Variants in GTPBP8 observed in about 807,000 individuals in gnomAD.
The protein encoded by GTPBP8 is GTP-binding protein 8.
In GTPBP8, 21 loss-of-function variants were observed where a neutral mutation model predicts 27.3. That is an observed-to-expected ratio of 0.77 (90% CI 0.55 to 1.11). The LOEUF (loss-of-function observed/expected upper bound fraction) is 1.11, where lower values mean the gene tolerates loss of function less well. Ranked by LOEUF, GTPBP8 falls within the 50% of genes least tolerant of loss-of-function variation. The pLI is 0.00. For missense variants in GTPBP8, 380 were observed against 350.8 expected, an observed-to-expected ratio of 1.08 and a Z score of -0.67; for synonymous variants, 147 against 135.3, an observed-to-expected ratio of 1.09 and a Z score of -0.60.
At chr3:112,997,023 T>G in intron 4 of GTPBP8, 32 bp downstream of exon 4, 1 of 971,102 alleles carries the variant, frequency 1.0e-6, no homozygotes, top group Non-Finnish European at 1.7e-6. Flanking sequence ...TGGTTGCAAT[T>G]AGAAATATCA....
At chr3:113,000,594 T>C (rs1933876543) in intron 5 of GTPBP8, among the ~76,000 whole-genome samples, 1 of 152,124 alleles carries the variant, frequency 6.6e-6, no homozygotes, top group Admixed American at 6.6e-5. Flanking sequence ...TCAAGACTTA[T>C]TCTGGAAAAC....
Position 112,991,341 on chromosome 3 carries a change from A to G in GTPBP8, c.336+6A>G. The stretch of plus-strand genomic sequence containing the variant: ...CGGACCTTCCGCGGCCAGAGGTGAG[A>G]GGCGATTCTCACGGTTCACCTGCGC... On this transcript the variant is annotated splice_donor_region_variant and intron_variant, in intron 1 of 5. Transcript: ENST00000383678. The G allele has an allele frequency of 6.2e-7, 1 of 1,612,798 alleles. No homozygotes were observed. Among genetic ancestry groups the G allele is most frequent in the Non-Finnish European group, 8.5e-7 (1 of 1,179,424 alleles).
intron 2 of GTPBP8, 122 bp downstream of exon 2, chr3:112,993,246 A>G: frequency 1.7e-6 from 1 of 601,146 alleles, no homozygotes; most frequent in South Asian, 2.2e-5. Flanking sequence ...TTCTTTCAAA[A>G]AAGTAATAAA....
Position 112,995,826 on chromosome 3 carries a change from G to A in GTPBP8, c.566+561G>A, listed in dbSNP as rs572519902. ...TGTGAGATTACAGGCATGAACCACC[G>A]CACCTGGCCCATTAATTTTTTTTAA... On this transcript the variant is annotated intron_variant, in intron 3 of 5. Coordinates refer to ENST00000383678, the MANE Select transcript of GTPBP8 (RefSeq NM_014170.4). Among the ~76,000 whole-genome samples the A allele has an allele frequency of 3.0e-4, 45 of 152,166 alleles. 1 individual carries two copies. In the South Asian group the frequency reaches 8.1e-3, roughly 27 times the overall value.
Position 112,993,069 on chromosome 3 carries a change from T to G in GTPBP8, c.380T>G (p.Ile127Ser). ...AGCAATGTTGGAAAATCATCTCTAATCAAGGCTTTATTTTCACTGGCCCCT... is the reference window on the plus strand; with the variant it reads ...AGCAATGTTGGAAAATCATCTCTAAGCAAGGCTTTATTTTCACTGGCCCCT... Reference protein sequence around the residue: ...GRSNVGKSSLIKALFSLAPEV... With the variant: ...GRSNVGKSSLSKALFSLAPEV... The change falls in exon 2 of 6, where the codon ATC becomes AGC. Residue 127 changes from isoleucine (I) to serine (S), a missense_variant. Physicochemically the swap from Ile to Ser is moderately radical, Grantham distance 142 (BLOSUM62 -2). Transcript: ENST00000383678. 1.2e-6 allele frequency: 2 copies of G among 1,612,216 alleles called. No individual in the cohort carries two copies. Among genetic ancestry groups the G allele is most frequent in the Non-Finnish European group, 1.7e-6 (2 of 1,178,628 alleles).
intron 1 of GTPBP8, chr3:112,992,077 CAA>C (rs1933693236): frequency 6.6e-6 from 1 of 152,366 alleles, no homozygotes; most frequent in South Asian, 2.0e-4. Context: ...AGTCAGGATT[CAA>C]AGAGTACCTC....
At position 112,991,135 on chromosome 3, in the gene GTPBP8, A is replaced by C. The variant is rs1438527902; in HGVS notation, c.136A>C (p.Lys46Gln). Residue 46 changes from lysine to glutamine, a missense_variant, in exon 1 of 6, where the codon AAG becomes CAG. Physicochemically the swap from Lys to Gln is moderately conservative, Grantham distance 53 (BLOSUM62 1). Coordinates refer to ENST00000383678, the MANE Select transcript of GTPBP8 (RefSeq NM_014170.4). Reference protein sequence around the residue: ...VLRLPKQQLRKLLYPLQEVER... With the variant: ...VLRLPKQQLRQLLYPLQEVER... ...GCGGCTGCCGAAGCAGCAGCTGAGG[A>C]AGCTGCTGTACCCGCTGCAGGAAGT... 1 of 1,613,846 alleles carries C rather than the reference A, an allele frequency of 6.2e-7. No individual in the cohort carries two copies. Among genetic ancestry groups the C allele is most frequent in the Non-Finnish European group, 8.5e-7 (1 of 1,179,932 alleles).
intron 2 of GTPBP8, among the ~76,000 whole-genome samples, chr3:112,993,898 G>A (rs1004836840): frequency 6.6e-6 from 1 of 152,050 alleles, no homozygotes; most frequent in African/African-American, 2.4e-5. Context: ...CCTTACTCCT[G>A]CCCCGCCTCA....
intron 4 of GTPBP8, 65 bp from the exon 5 acceptor site, chr3:112,999,381 C>T: frequency 1.7e-6 from 1 of 576,042 alleles, no homozygotes; most frequent in Non-Finnish European, 3.1e-6. Flanking sequence ...AAAATTATAG[C>T]TAAAATGTGT....
Position 113,001,950 on chromosome 3 carries a change from A to C in GTPBP8, c.*1031A>C, listed in dbSNP as rs1461313146. On this transcript the variant is annotated 3_prime_UTR_variant, in exon 6 of 6. Coordinates refer to ENST00000383678, the MANE Select transcript of GTPBP8 (RefSeq NM_014170.4). ...GGTTATAGCTGTATTGCTGGATAAC[A>C]AATTAAAGCTATAAACCAACTTCGT... 6.6e-6 allele frequency: 1 copy of C among 152,220 alleles called. No homozygotes were observed. The highest frequency in any genetic ancestry group is 1.5e-5 in the Non-Finnish European group (1 of 68,028). The allele number at this position is 152,220 out of a possible 1,614,324, so 9.4% of individuals were successfully genotyped here.
chr3:113,000,417 A>G (rs1933870295), intron 5 of GTPBP8, among the ~76,000 whole-genome samples: 1 of 152,108 alleles, frequency 6.6e-6, no homozygotes, highest in African/African-American at 2.4e-5. Context: ...TACCTGAGAA[A>G]CATTTTGGCT....
chr3:113,000,787 T>G lies in GTPBP8; in HGVS notation c.786-63T>G, dbSNP rs910759368. ...ATAAGAATTTGTAAATTTTTTTAAG[T>G]TGATGAATTCAGATGTTATATCTGA... On this transcript the variant is annotated intron_variant, in intron 5 of 5. Transcript: ENST00000383678. 20 of 967,944 alleles carry G rather than the reference T, an allele frequency of 2.1e-5. No homozygotes were observed. In the African/African-American group the frequency reaches 2.6e-4, roughly 13 times the overall value. The allele number at this position is 967,944 out of a possible 1,614,324, so 60.0% of individuals were successfully genotyped here.
rs1933848527 is a variant in GTPBP8 at position 112,999,441 on chromosome 3, T to TA, written c.667-4dup. The TA allele has an allele frequency of 8.8e-7, 1 of 1,141,618 alleles. No individual in the cohort carries two copies. Among genetic ancestry groups the TA allele is most frequent in the Non-Finnish European group, 1.3e-6 (1 of 783,910 alleles). The allele number at this position is 1,141,618 out of a possible 1,614,324, so 70.7% of individuals were successfully genotyped here. ...TCTAATGCATAAAAATTTGTTTTCT[T>TA]ATAGATTGTATTAACAAAAATTGAC... On this transcript the variant is annotated splice_region_variant and splice_polypyrimidine_tract_variant and intron_variant, in intron 4 of 5. Coordinates refer to ENST00000383678, the MANE Select transcript of GTPBP8 (RefSeq NM_014170.4).
chr3:112,995,004 A>G, intron 2 of GTPBP8, 131 bp from the exon 3 acceptor site: 1 of 610,160 alleles, frequency 1.6e-6, no homozygotes, highest in Non-Finnish European at 2.9e-6. Context: ...CTGTGTCATC[A>G]TCAGCATAGT....
rs79229353 is a variant in GTPBP8, at chr3:112,995,210, A to T, written c.511A>T (p.Arg171Ter). 6.2e-7 allele frequency: 1 copy of T among 1,608,822 alleles called. No individual in the cohort carries two copies. The highest frequency in any genetic ancestry group is 8.5e-7 in the Non-Finnish European group (1 of 1,175,912). ...TVVDMPGYGF[R>*]APEDFVDMVE... Reference sequence around the variant, plus strand: ...GGTGGACATGCCAGGTTATGGCTTTAGAGCACCTGAAGATTTTGTTGACAT... The same window carrying T: ...GGTGGACATGCCAGGTTATGGCTTTTGAGCACCTGAAGATTTTGTTGACAT... The change falls in exon 3 of 6, where the codon AGA becomes TGA. Residue 171 changes from arginine to a stop codon, truncating the protein, a stop_gained. Coordinates refer to ENST00000383678, the MANE Select transcript of GTPBP8 (RefSeq NM_014170.4). LOFTEE classifies it high-confidence loss of function.
chr3:112,991,581 C>T (rs1216976686), intron 1 of GTPBP8: 3 of 677,320 alleles, frequency 4.4e-6, no homozygotes, highest in Middle Eastern at 2.3e-4. Context: ...ATCGTTAAGT[C>T]GACCCACTGT....
chr3:112,998,923 ACTTTG>A (rs1933838181), intron 4 of GTPBP8, among the ~76,000 whole-genome samples: 1 of 152,180 alleles, frequency 6.6e-6, no homozygotes, highest in East Asian at 1.9e-4. Flanking sequence ...AATCACCCAT[ACTTTG>A]ACCTTTCTGC....
At chr3:112,995,108 CTTTTCT>C in intron 2 of GTPBP8, 21 bp from the exon 3 acceptor site, 1 of 1,539,440 alleles carries the variant, frequency 6.5e-7, no homozygotes. Context: ...CTTAAGACAG[CTTTTCT>C]TTTTCTATTT....
chr3:112,995,266 G>A lies in GTPBP8; in HGVS notation c.566+1G>A, dbSNP rs766265587. On this transcript the variant is annotated splice_donor_variant, in intron 3 of 5. Coordinates refer to ENST00000383678, the MANE Select transcript of GTPBP8 (RefSeq NM_014170.4). LOFTEE classifies it high-confidence loss of function. ...AGACCTATCTAAAAGAACGAAGGAA[G>A]TAAGGAAAAGATTTTCTTATAATAG... The A allele has an allele frequency of 1.4e-5, 22 of 1,581,166 alleles. No individual in the cohort carries two copies. In the South Asian group the frequency reaches 2.3e-4, roughly 17 times the overall value.
Sources: allele counts gnomAD v4.1 joint callset (sites outside exome capture counted in the v4.1 genomes callset), GRCh38; gene constraint gnomAD v4.1.1; transcripts MANE v1.5; gene names NCBI Gene and HGNC (gene_info 2026-07-23, HGNC 2026-07-21).